The following PRR16 variants were observed in gnomAD, a reference collection of about 807,000 sequenced individuals.
The protein encoded by PRR16 is protein Largen.
In PRR16, 6 loss-of-function variants were observed where a neutral mutation model predicts 18.2. The ratio of observed to expected loss-of-function variants is 0.33; its 90% CI spans 0.18 to 0.65. PRR16 has a LOEUF of 0.65. PRR16 is among the 30% of genes least tolerant of loss of function. The pLI, the probability that PRR16 is intolerant of heterozygous loss-of-function variation, is 0.74. For missense variants in PRR16, 412 were observed against 376.6 expected (o/e 1.09, Z -0.78); for synonymous variants, 151 against 147.8 (o/e 1.02, Z -0.16).
intron 1 of PRR16, among the ~76,000 whole-genome samples, chr5:120,671,148 C>T (rs1756588249): frequency 6.6e-6 from 1 of 152,146 alleles, no homozygotes; most frequent in East Asian, 1.9e-4. Context: ...CACTGTACTA[C>T]ATTGGATGAT....
intron 1 of PRR16, among the ~76,000 whole-genome samples, chr5:120,540,042 G>A (rs1490669650): frequency 1.3e-5 from 2 of 152,086 alleles, no homozygotes; most frequent in Non-Finnish European, 2.9e-5. Flanking sequence ...GCCACGTTTT[G>A]AGTTTATTTT....
At chr5:120,666,523 C>T (rs1474024978) in intron 1 of PRR16, among the ~76,000 whole-genome samples, 18 of 151,898 alleles carry the variant, frequency 1.2e-4, no homozygotes, top group Admixed American at 6.6e-4. Flanking sequence ...GAGAGGGCAT[C>T]CCTGTCTTGT....
In PRR16 at chr5:120,464,499, T is replaced by G. The variant is rs1218015770; in HGVS notation, c.13T>G (p.Ser5Ala). Residue 5 changes from serine to alanine, a missense_variant, in exon 1 of 2, where the codon TCC (serine) becomes GCC (alanine). Ser to Ala is a moderately conservative substitution (Grantham distance 99, BLOSUM62 1). Coordinates refer to ENST00000407149, the MANE Select transcript of PRR16 (RefSeq NM_001300783.2). MSAK[S>A]KGNPSSSCPA... ...TTGCCCCCAAAGAATGTCAGCCAAG[T>G]CCAAGGGGAACCCCTCCTCGTCCTG... 2 of 1,589,740 alleles carry G rather than the reference T, an allele frequency of 1.3e-6. No individual in the cohort carries two copies. The highest frequency in any genetic ancestry group is 2.2e-5 in the East Asian group (1 of 44,550).
chr5:120,690,112 C>T (rs1757191867), downstream of PRR16, among the ~76,000 whole-genome samples: 1 of 152,128 alleles, frequency 6.6e-6, no homozygotes, highest in Admixed American at 6.5e-5. Context: ...ATTATAACTG[C>T]ATCCTAATTA....
chr5:120,719,820 T>G, the PRR16 span, among the ~76,000 whole-genome samples: 3 of 152,102 alleles, frequency 2.0e-5, no homozygotes, highest in Non-Finnish European at 4.4e-5. Context: ...AAAAATTATT[T>G]TATCTTGATC....
the PRR16 span, among the ~76,000 whole-genome samples, chr5:120,754,234 A>ATAT: frequency 9.3e-6 from 1 of 107,196 alleles, no homozygotes; most frequent in East Asian, 2.4e-4. Context: ...ATAATATAAT[A>ATAT]TATAATTAGA....
the PRR16 span, among the ~76,000 whole-genome samples, chr5:120,737,039 T>C: frequency 1.9e-4 from 29 of 152,224 alleles, no homozygotes; most frequent in Non-Finnish European, 4.4e-5. Flanking sequence ...ATGTCATTTA[T>C]GAAGAGAAAC....
chr5:120,629,835 C>G (rs1754996079), intron 1 of PRR16, among the ~76,000 whole-genome samples: 1 of 152,118 alleles, frequency 6.6e-6, no homozygotes, highest in South Asian at 2.1e-4. Context: ...TATTTCCACT[C>G]TGCATTTTAA....
intron 1 of PRR16, among the ~76,000 whole-genome samples, chr5:120,549,746 G>A (rs1478758166): frequency 6.6e-6 from 1 of 151,860 alleles, no homozygotes; most frequent in East Asian, 1.9e-4. Context: ...GTTTTACCTT[G>A]ACTTTAGGTG....
At chr5:120,724,063 G>A in the PRR16 span, among the ~76,000 whole-genome samples, 1 of 151,038 alleles carries the variant, frequency 6.6e-6, no homozygotes, top group African/African-American at 2.4e-5. Context: ...ATGTTTTTCA[G>A]GGTTGACATC....
chr5:120,721,517 G>A, the PRR16 span, among the ~76,000 whole-genome samples: 1 of 151,982 alleles, frequency 6.6e-6, no homozygotes, highest in Non-Finnish European at 1.5e-5. Flanking sequence ...TATGCATTAT[G>A]AACTTTGGAG....
chr5:120,504,105 T>A (rs549027948), intron 1 of PRR16, among the ~76,000 whole-genome samples: 2 of 152,036 alleles, frequency 1.3e-5, no homozygotes, highest in East Asian at 3.9e-4. Flanking sequence ...ACATGTGCCA[T>A]GCTGGTGTGC....
At chr5:120,677,970 C>T (rs60020135) in intron 1 of PRR16, among the ~76,000 whole-genome samples, 1,807 of 120,336 alleles carry the variant, frequency 0.015, 52 homozygotes, top group African/African-American at 0.055. Flanking sequence ...AGTGCAGTGG[C>T]GCGATCTCGG....
intron 1 of PRR16, among the ~76,000 whole-genome samples, chr5:120,666,671 G>T (rs1444228831): frequency 6.6e-6 from 1 of 150,666 alleles, no homozygotes; most frequent in Non-Finnish European, 1.5e-5. Context: ...AGCATGAAGG[G>T]TTGTTGAATT....
At chr5:120,664,778 A>T in intron 1 of PRR16, among the ~76,000 whole-genome samples, 1 of 137,534 alleles carries the variant, frequency 7.3e-6, no homozygotes, top group East Asian at 1.9e-4. Flanking sequence ...CCCTACAAAG[A>T]CATGAACTCA....
intron 1 of PRR16, among the ~76,000 whole-genome samples, chr5:120,639,050 G>A (rs1205537197): frequency 6.6e-6 from 1 of 151,046 alleles, no homozygotes; most frequent in Non-Finnish European, 1.5e-5. Flanking sequence ...AAACGAGTAT[G>A]TAGTGACTTA....
At chr5:120,493,454 T>C (rs190751068) in intron 1 of PRR16, among the ~76,000 whole-genome samples, 204 of 152,354 alleles carry the variant, frequency 1.3e-3, no homozygotes, top group Middle Eastern at 6.8e-3. Context: ...TGTTTATTTT[T>C]TTAATTTAAG....
chr5:120,579,408 C>T (rs1753189150), intron 1 of PRR16, among the ~76,000 whole-genome samples: 1 of 151,994 alleles, frequency 6.6e-6, no homozygotes, highest in Admixed American at 6.6e-5. Flanking sequence ...GTCTTTAATC[C>T]ATCTTGAGTT....
intron 1 of PRR16, among the ~76,000 whole-genome samples, chr5:120,471,580 C>T (rs1331741892): frequency 2.0e-5 from 3 of 152,018 alleles, no homozygotes; most frequent in African/African-American, 7.2e-5. Context: ...AATTCGATTT[C>T]TTGTATTAAC....
Sources: allele counts gnomAD v4.1 joint callset (sites outside exome capture counted in the v4.1 genomes callset), GRCh38; gene constraint gnomAD v4.1.1; transcripts MANE v1.5; gene names NCBI Gene and HGNC (gene_info 2026-07-23, HGNC 2026-07-21).